KTN1: variants seen among roughly 807,000 people sequenced by gnomAD.
KTN1 encodes kinectin.
Under a neutral mutation model 222.5 loss-of-function variants are expected in KTN1, and 130 were observed. That is an observed-to-expected ratio of 0.58 (90% CI 0.51 to 0.68). KTN1 has a LOEUF of 0.68. Ranked by LOEUF, KTN1 falls within the 30% of genes least tolerant of loss-of-function variation. The pLI, the probability that KTN1 is intolerant of heterozygous loss-of-function variation, is 0.00. For missense variants in KTN1, 1,508 were observed against 1,500.4 expected, an observed-to-expected ratio of 1.01 and a Z score of -0.08; for synonymous variants, 512 against 496.3, an observed-to-expected ratio of 1.03 and a Z score of -0.42.
At position 55,639,935 on chromosome 14, in the gene KTN1, A is replaced by G. The variant is rs1595027766; in HGVS notation, c.1846A>G (p.Ile616Val). 1.2e-6 allele frequency: 2 copies of G among 1,606,144 alleles called. No homozygotes were observed. The highest frequency in any genetic ancestry group is 1.3e-5 in the African/African-American group (1 of 74,714). The part of the protein sequence containing the change: ...HKVIAEKDKQ[I>V]KQTEDSLASE... ...AAGGATTGCAGAAAAGGATAAGCAG[A>G]TAAAACAGACTGAAGATTCTTTAGC... is the stretch of plus-strand genomic sequence containing the variant. Residue 616 changes from isoleucine (I) to valine (V), a missense_variant, in exon 14 of 44, where the codon ATA becomes GTA. By Grantham distance (29) the Ile-to-Val change is conservative (BLOSUM62 3). Coordinates refer to ENST00000395314, the MANE Select transcript of KTN1 (RefSeq NM_001079521.2).
intron 37 of KTN1, chr14:55,672,082 G>A (rs2252189): frequency 0.28 from 143,004 of 516,084 alleles, 20,097 homozygotes; most frequent in Middle Eastern, 0.33. Flanking sequence ...TGGTTTTAAA[G>A]TATGACTAAA....
chr14:55,582,087 G>A (rs1467423592), intron 1 of KTN1, among the ~76,000 whole-genome samples: 1 of 151,944 alleles, frequency 6.6e-6, no homozygotes, highest in Non-Finnish European at 1.5e-5. Flanking sequence ...TTTACTTGAG[G>A]CTGATAATGA....
chr14:55,628,669 A>G (rs1294986932), intron 6 of KTN1, among the ~76,000 whole-genome samples: 2 of 152,206 alleles, frequency 1.3e-5, no homozygotes, highest in Non-Finnish European at 2.9e-5. Flanking sequence ...TGACATTGTA[A>G]GAGTGAATGG....
chr14:55,650,260 T>G (rs2042805001), intron 22 of KTN1, 68 bp from the exon 23 acceptor site: 1 of 948,786 alleles, frequency 1.1e-6, no homozygotes, highest in African/African-American at 1.7e-5. Flanking sequence ...CATTATTTGG[T>G]GCTATTTTTA....
At position 55,650,332 on chromosome 14, in the gene KTN1, C is replaced by T; in HGVS notation, c.2410C>T (p.His804Tyr). The T allele has an allele frequency of 1.3e-6, 2 of 1,589,884 alleles. No homozygotes were observed. Among genetic ancestry groups the T allele is most frequent in the Non-Finnish European group, 1.7e-6 (2 of 1,169,884 alleles). Residue 804 changes from histidine (H) to tyrosine (Y), a missense_variant, in exon 23 of 44, where the codon CAT becomes TAT. Coordinates refer to ENST00000395314, the MANE Select transcript of KTN1 (RefSeq NM_001079521.2). ...SLVEELKKVIHEKDGKIKSVE... is the reference protein window; with the variant it reads ...SLVEELKKVIYEKDGKIKSVE... ...TACTGCATTTCTTTATTGAAGGATC[C>T]ATGAGAAAGATGGAAAGATCAAGTC...
At chr14:55,680,770 A>G (rs1231305454) in intron 43 of KTN1, 1 of 1,204,272 alleles carries the variant, frequency 8.3e-7, no homozygotes, top group Non-Finnish European at 1.1e-6. Context: ...GACTTTCCAT[A>G]TAATAAGCCC....
chr14:55,623,866 T>C (rs2039466531), intron 5 of KTN1, among the ~76,000 whole-genome samples: 1 of 152,220 alleles, frequency 6.6e-6, no homozygotes, highest in South Asian at 2.1e-4. Context: ...GCTTTAAGTG[T>C]CTCTCTTCTA....
intron 1 of KTN1, among the ~76,000 whole-genome samples, chr14:55,584,286 C>G (rs559661959): frequency 1.1e-4 from 16 of 152,326 alleles, no homozygotes; most frequent in African/African-American, 3.8e-4. Context: ...CTAAGGGCAG[C>G]TACATATCAG....
In KTN1 at chr14:55,671,637, A is replaced by G; in HGVS notation, c.3420A>G (p.Lys1140=). The change falls in exon 36 of 44, where the codon AAA becomes AAG. Residue 1140 remains lysine (K), a synonymous_variant. Coordinates refer to ENST00000395314, the MANE Select transcript of KTN1 (RefSeq NM_001079521.2). ...TACAGCTAGAGTGTGAAAAATACAA[A>G]TCCGTCCTTGCAGAAACAGTAGGAA... ...TLLQLECEKY[K]SVLAETEGIL... The G allele has an allele frequency of 6.2e-7, 1 of 1,611,924 alleles. No homozygotes were observed. The highest frequency in any genetic ancestry group is 8.5e-7 in the Non-Finnish European group (1 of 1,178,790).
chr14:55,625,282 G>A (rs1379662493), intron 5 of KTN1, among the ~76,000 whole-genome samples: 1 of 152,132 alleles, frequency 6.6e-6, no homozygotes, highest in Non-Finnish European at 1.5e-5. Flanking sequence ...GCTGAAAAGT[G>A]TAAACTATTA....
In KTN1 at chr14:55,671,609, T is replaced by G; in HGVS notation, c.3392T>G (p.Leu1131Trp). ...KLKEADEMHT[L>W]LQLECEKYKS... ...AAAGAAGCTGATGAAATGCACACATTGTTACAGCTAGAGTGTGAAAAATAC... is the reference window on the plus strand; with the variant it reads ...AAAGAAGCTGATGAAATGCACACATGGTTACAGCTAGAGTGTGAAAAATAC... Residue 1131 changes from leucine to tryptophan, a missense_variant, in exon 36 of 44, where the codon TTG becomes TGG. Physicochemically the swap from Leu to Trp is moderately conservative, Grantham distance 61. Transcript: ENST00000395314. The G allele has an allele frequency of 6.2e-7, 1 of 1,613,036 alleles. No individual in the cohort carries two copies. The highest frequency in any genetic ancestry group is 8.5e-7 in the Non-Finnish European group (1 of 1,179,572).
intron 1 of KTN1, among the ~76,000 whole-genome samples, chr14:55,590,779 G>A (rs771648436): frequency 1.3e-5 from 2 of 151,834 alleles, no homozygotes; most frequent in Non-Finnish European, 2.9e-5. Context: ...AGGTTCAAGC[G>A]ATTTTCCTGC....
intron 24 of KTN1, chr14:55,651,215 A>G: frequency 1.8e-5 from 8 of 455,092 alleles, no homozygotes; most frequent in South Asian, 1.1e-4. Flanking sequence ...TTGGTGGATC[A>G]CTAGCTAGTG....
chr14:55,675,957 CTGTGT>C (rs1566856040), intron 41 of KTN1, 39 bp downstream of exon 41: 1 of 1,401,244 alleles, frequency 7.1e-7, no homozygotes, highest in Non-Finnish European at 1.0e-6. Flanking sequence ...TATCATGAGC[CTGTGT>C]TGTGTGTTCA....
chr14:55,603,073 CTCTA>C (rs2040749183), intron 1 of KTN1, among the ~76,000 whole-genome samples: 1 of 152,110 alleles, frequency 6.6e-6, no homozygotes, highest in African/African-American at 2.4e-5. Flanking sequence ...AGGCCAGTCA[CTCTA>C]TCTACTTGTC....
At chr14:55,657,562 TA>T (rs2043635436) in intron 29 of KTN1, among the ~76,000 whole-genome samples, 1 of 152,120 alleles carries the variant, frequency 6.6e-6, no homozygotes, top group South Asian at 2.1e-4. Flanking sequence ...TACTCAAATA[TA>T]AGTAATTTCT....
chr14:55,614,556 C>G (rs2038071653), intron 2 of KTN1, among the ~76,000 whole-genome samples: 2 of 152,020 alleles, frequency 1.3e-5, no homozygotes. Flanking sequence ...GCCCATGAAC[C>G]AAGAACACTT....
chr14:55,613,760 C>CGTGG (rs1566712124), intron 2 of KTN1, among the ~76,000 whole-genome samples: 1 of 152,092 alleles, frequency 6.6e-6, no homozygotes, highest in Non-Finnish European at 1.5e-5. Flanking sequence ...TGAGCCACCA[C>CGTGG]GCTTGACCCG....
intron 1 of KTN1, among the ~76,000 whole-genome samples, chr14:55,598,391 C>A (rs893185358): frequency 6.7e-6 from 1 of 149,642 alleles, no homozygotes. Flanking sequence ...GCCGAGAACC[C>A]GCCACTGCAC....
Sources: gnomAD v4.1 joint callset for allele counts (sites outside exome capture counted in the v4.1 genomes callset) on GRCh38, gnomAD v4.1.1 for gene constraint, MANE v1.5 for transcripts, NCBI Gene and HGNC (gene_info 2026-07-23, HGNC 2026-07-21) for gene names.